Variants in PINX1 observed in about 807,000 individuals in gnomAD.
PINX1 encodes the protein PIN2 (TERF1) interacting telomerase inhibitor 1.
In PINX1, 34 loss-of-function variants were observed where a neutral mutation model predicts 25.4. The ratio of observed to expected loss-of-function variants is 1.34; its 90% CI spans 1.02 to 1.78. PINX1 has a LOEUF of 1.78. Among genes scored for constraint, PINX1 ranks in the 40% most tolerant of loss-of-function variants. The probability of loss-of-function intolerance (pLI) is 0.00; values close to 1 mark genes in which losing one functional copy is unlikely to be tolerated. For missense variants in PINX1, 592 were observed against 404.9 expected (o/e 1.46, Z -3.97); for synonymous variants, 197 against 147.7 (o/e 1.33, Z -2.42).
At chr8:10,805,829 C>G (rs530062965) in intron 6 of PINX1, among the ~76,000 whole-genome samples, 3 of 115,836 alleles carry the variant, frequency 2.6e-5, no homozygotes, top group African/African-American at 9.6e-5. Context: ...GGTGACAGAG[C>G]ACAGGAAGGG....
At chr8:10,837,503 G>A (rs79502544) in intron 1 of PINX1, among the ~76,000 whole-genome samples, 2 of 152,186 alleles carry the variant, frequency 1.3e-5, no homozygotes, top group East Asian at 3.8e-4. Context: ...GCACATCATT[G>A]AATCTGGGGA....
chr8:10,832,810 C>A, intron 3 of PINX1, 82 bp downstream of exon 3: 1 of 767,352 alleles, frequency 1.3e-6, no homozygotes, highest in Non-Finnish European at 2.2e-6. Flanking sequence ...TGGTCAGAAG[C>A]AGATGAACCA....
At chr8:10,789,659 TGGC>T (rs1185439724) in intron 6 of PINX1, among the ~76,000 whole-genome samples, 2 of 152,212 alleles carry the variant, frequency 1.3e-5, no homozygotes, top group African/African-American at 4.8e-5. Context: ...ACAGGCCCAG[TGGC>T]AGAGCCAAAA....
At chr8:10,788,855 C>T (rs1034876571) in intron 6 of PINX1, among the ~76,000 whole-genome samples, 1 of 152,154 alleles carries the variant, frequency 6.6e-6, no homozygotes, top group African/African-American at 2.4e-5. Flanking sequence ...GGATTGGCCG[C>T]CAGAGACCGC....
chr8:10,778,595 CA>C (rs1801487633), intron 6 of PINX1, among the ~76,000 whole-genome samples: 1 of 152,150 alleles, frequency 6.6e-6, no homozygotes, highest in Non-Finnish European at 1.5e-5. Flanking sequence ...GTTTGGGAAA[CA>C]AACCTGTGCT....
chr8:10,833,515 G>A (rs1004011413), intron 2 of PINX1: 1 of 158,078 alleles, frequency 6.3e-6, no homozygotes, highest in Non-Finnish European at 1.4e-5. Context: ...TGATGACAGT[G>A]GCTGAAGCAG....
At chr8:10,797,070 C>G (rs1802106422) in intron 6 of PINX1, among the ~76,000 whole-genome samples, 1 of 152,156 alleles carries the variant, frequency 6.6e-6, no homozygotes, top group African/African-American at 2.4e-5. Flanking sequence ...TCTCCCCTAC[C>G]CAGTAACACA....
At chr8:10,831,870 C>A in intron 3 of PINX1, 127 bp from the exon 4 acceptor site, 1 of 642,056 alleles carries the variant, frequency 1.6e-6, no homozygotes, top group Admixed American at 2.4e-5. Flanking sequence ...CATCAAAATA[C>A]TATTTGATAA....
chr8:10,831,737 A>G lies in PINX1; in HGVS notation c.229T>C (p.Trp77Arg), dbSNP rs1201827372. 1.3e-6 allele frequency: 2 copies of G among 1,582,270 alleles called. No homozygotes were observed. Among genetic ancestry groups the G allele is most frequent in the Admixed American group, 1.7e-5 (1 of 57,568 alleles). Reference protein sequence around the residue: ...LGATINNEDNWIAHQDDFNQL... With the variant: ...LGATINNEDNRIAHQDDFNQL... ...TTAAAATCATCCTGATGGGCAATCC[A>G]GTTGTCCTGAAAATATCAAAGAAAT... Residue 77 changes from tryptophan to arginine, a missense_variant, in exon 4 of 7, where the codon TGG becomes CGG. Physicochemically the swap from Trp to Arg is moderately radical, Grantham distance 101 (BLOSUM62 -3). Coordinates refer to ENST00000314787, the MANE Select transcript of PINX1 (RefSeq NM_017884.6).
intron 1 of PINX1, among the ~76,000 whole-genome samples, chr8:10,838,372 A>T (rs1364041619): frequency 6.6e-6 from 1 of 152,192 alleles, no homozygotes; most frequent in Non-Finnish European, 1.5e-5. Context: ...AACTGAAAAC[A>T]CTCTCTTGAA....
intron 6 of PINX1, among the ~76,000 whole-genome samples, chr8:10,788,904 C>G (rs1166931077): frequency 2.7e-5 from 4 of 150,394 alleles, no homozygotes; most frequent in Non-Finnish European, 5.9e-5. Context: ...GAAAGAGTCA[C>G]AATTCCTCTC....
At position 10,814,950 on chromosome 8, in the gene PINX1, G is replaced by GT. The variant is rs565560367; in HGVS notation, c.471+5242dup. ...GTGAAGCAATTTCTTCTTTTTCTTC[G>GT]TTTTTTTGAGACAGGGTCTCACTCT... On this transcript the variant is annotated intron_variant, in intron 6 of 6. Transcript: ENST00000314787. Among the ~76,000 whole-genome samples the GT allele has an allele frequency of 5.6e-3, 855 of 152,136 alleles. 8 individuals carry two copies. Among genetic ancestry groups the GT allele is most frequent in the African/African-American group, 0.02 (820 of 41,474 alleles).
intron 6 of PINX1, among the ~76,000 whole-genome samples, chr8:10,793,415 C>T (rs187488294): frequency 2.3e-3 from 352 of 152,270 alleles, no homozygotes; most frequent in African/African-American, 7.8e-3. Flanking sequence ...TTGGGCCATC[C>T]ATAAAATGCA....
chr8:10,796,576 TA>T (rs1802090609), intron 6 of PINX1, among the ~76,000 whole-genome samples: 1 of 152,122 alleles, frequency 6.6e-6, no homozygotes, highest in Non-Finnish European at 1.5e-5. Context: ...AGATTTCCTT[TA>T]AAAGATACAA....
rs112845183 is a variant in PINX1 at position 10,767,858 on chromosome 8, G to A, written c.472-1942C>T. Among the ~76,000 whole-genome samples, 192 of 78,828 alleles carry A rather than the reference G, an allele frequency of 2.4e-3. 8 individuals carry two copies. Among genetic ancestry groups the A allele is most frequent in the Middle Eastern group, 7.1e-3 (1 of 140 alleles). The allele number at this position is 78,828 out of a possible 152,430, so 51.7% of individuals were successfully genotyped here. Reference sequence around the variant, plus strand: ...CTCACAGCCACACAGAGACAGGCTCGGTGACCAGGCACCCTCAGCCACACA... The same window carrying A: ...CTCACAGCCACACAGAGACAGGCTCAGTGACCAGGCACCCTCAGCCACACA... On this transcript the variant is annotated intron_variant, in intron 6 of 6. Coordinates refer to ENST00000314787, the MANE Select transcript of PINX1 (RefSeq NM_017884.6).
chr8:10,826,045 C>G, intron 5 of PINX1, 107 bp downstream of exon 5: 1 of 624,636 alleles, frequency 1.6e-6, no homozygotes, highest in Non-Finnish European at 2.9e-6. Context: ...GCAGTCGGAG[C>G]TGTCCATAAA....
At chr8:10,775,441 G>A (rs1001767819) in intron 6 of PINX1, among the ~76,000 whole-genome samples, 1 of 32,670 alleles carries the variant, frequency 3.1e-5, no homozygotes, top group Non-Finnish European at 6.7e-5. Context: ...TTTTTTTTTT[G>A]CCTTTAAAAA....
intron 6 of PINX1, among the ~76,000 whole-genome samples, chr8:10,810,272 A>G (rs909037668): frequency 1.3e-5 from 2 of 152,162 alleles, no homozygotes; most frequent in Non-Finnish European, 2.9e-5. Context: ...CTTCCTTCCC[A>G]ACTGATTTAA....
intron 6 of PINX1, among the ~76,000 whole-genome samples, chr8:10,775,186 T>C (rs1801349312): frequency 6.6e-6 from 1 of 152,174 alleles, no homozygotes; most frequent in Non-Finnish European, 1.5e-5. Flanking sequence ...AAGTTTTTAT[T>C]TTATAAACAA....
Sources: allele counts gnomAD v4.1 joint callset (sites outside exome capture counted in the v4.1 genomes callset), GRCh38; gene constraint gnomAD v4.1.1; transcripts MANE v1.5; gene names NCBI Gene and HGNC (gene_info 2026-07-23, HGNC 2026-07-21).